ADCY8: variants seen among roughly 807,000 people sequenced by gnomAD.
The protein encoded by ADCY8 is adenylate cyclase type 8.
Under a neutral mutation model 119.7 loss-of-function variants are expected in ADCY8, and 51 were observed. The ratio of observed to expected loss-of-function variants is 0.43; its 90% CI spans 0.34 to 0.54. ADCY8 has a LOEUF of 0.54. ADCY8 is among the 20% of genes least tolerant of loss of function. The pLI, the probability that ADCY8 is intolerant of heterozygous loss-of-function variation, is 0.03. For missense variants in ADCY8, 1,383 were observed against 1,598.8 expected (o/e 0.87, Z 2.30); for synonymous variants, 665 against 651.0 (o/e 1.02, Z -0.33).
chr8:130,809,483 A>G (rs1816092461), intron 14 of ADCY8, among the ~76,000 whole-genome samples: 1 of 152,158 alleles, frequency 6.6e-6, no homozygotes, highest in African/African-American at 2.4e-5. Flanking sequence ...TAGTCCCCCC[A>G]GTCCTTCTCA....
chr8:130,851,040 G>A (rs1044612446), intron 9 of ADCY8, among the ~76,000 whole-genome samples: 1 of 152,164 alleles, frequency 6.6e-6, no homozygotes, highest in African/African-American at 2.4e-5. Context: ...AGAATTTAAA[G>A]TCCACTCTGT....
chr8:130,852,314 T>C (rs930669927), intron 9 of ADCY8, among the ~76,000 whole-genome samples: 3 of 152,040 alleles, frequency 2.0e-5, no homozygotes, highest in South Asian at 2.1e-4. Flanking sequence ...TGACAAGAAA[T>C]CTCTGTAGGA....
intron 4 of ADCY8, among the ~76,000 whole-genome samples, chr8:130,942,980 G>T (rs992059463): frequency 3.9e-5 from 6 of 152,208 alleles, no homozygotes. Context: ...AGATGGCCAG[G>T]GTTGGCTGGG....
chr8:130,962,320 G>A (rs148522369), intron 2 of ADCY8, among the ~76,000 whole-genome samples: 5 of 152,258 alleles, frequency 3.3e-5, no homozygotes, highest in Non-Finnish European at 5.9e-5. Flanking sequence ...TCTTTAATAC[G>A]ATTCCCAACT....
chr8:130,990,715 C>G, intron 1 of ADCY8, 173 bp from the exon 2 acceptor site: 1 of 755,364 alleles, frequency 1.3e-6, no homozygotes, highest in South Asian at 2.6e-5. Flanking sequence ...CAAATGTCAT[C>G]CCTTTGGAGA....
chr8:131,024,238 G>C lies in ADCY8; in HGVS notation c.960+15136C>G, dbSNP rs146223844. 7.0e-3 allele frequency among the ~76,000 whole-genome samples: 1,059 copies of C among 152,198 alleles called. 16 individuals carry two copies. Among genetic ancestry groups the C allele is most frequent in the African/African-American group, 0.024 (978 of 41,486 alleles). Reference sequence around the variant, plus strand: ...AGAACAAGACAGCTTGCTATTGCGTGACATCATCAGACACAACTGTGTTAT... The same window carrying C: ...AGAACAAGACAGCTTGCTATTGCGTCACATCATCAGACACAACTGTGTTAT... On this transcript the variant is annotated intron_variant, in intron 1 of 17. Transcript: ENST00000286355.
chr8:131,034,463 A>T (rs1824088992), intron 1 of ADCY8, among the ~76,000 whole-genome samples: 1 of 152,068 alleles, frequency 6.6e-6, no homozygotes, highest in Non-Finnish European at 1.5e-5. Context: ...AAGAAAAAAA[A>T]ATTTCCCCTA....
intron 1 of ADCY8, among the ~76,000 whole-genome samples, chr8:131,002,035 G>T (rs79797827): frequency 3.3e-5 from 5 of 152,136 alleles, no homozygotes; most frequent in Non-Finnish European, 5.9e-5. Flanking sequence ...GCTGTGCTAC[G>T]CATAGAGCTT....
intron 2 of ADCY8, among the ~76,000 whole-genome samples, chr8:130,981,578 G>A (rs998128014): frequency 1.1e-4 from 16 of 152,034 alleles, no homozygotes; most frequent in African/African-American, 3.9e-4. Flanking sequence ...CCTCCAGGCT[G>A]GATCAAAGGT....
At chr8:131,002,763 A>G (rs1467225287) in intron 1 of ADCY8, among the ~76,000 whole-genome samples, 1 of 152,170 alleles carries the variant, frequency 6.6e-6, no homozygotes, top group Non-Finnish European at 1.5e-5. Flanking sequence ...CTCTATTAAC[A>G]ACTTGAATTC....
intron 5 of ADCY8, among the ~76,000 whole-genome samples, chr8:130,920,392 C>T (rs1377960421): frequency 6.6e-6 from 1 of 152,108 alleles, no homozygotes; most frequent in Non-Finnish European, 1.5e-5. Context: ...TGGAATATGG[C>T]TCCACCGCAT....
chr8:130,865,733 C>T (rs191066608), intron 9 of ADCY8, among the ~76,000 whole-genome samples: 1 of 152,220 alleles, frequency 6.6e-6, no homozygotes, highest in African/African-American at 2.4e-5. Flanking sequence ...TGTTTCAAAA[C>T]ATCATAGCTA....
chr8:130,855,953 ATC>A (rs1291227798), intron 9 of ADCY8, among the ~76,000 whole-genome samples: 2 of 152,088 alleles, frequency 1.3e-5, no homozygotes, highest in East Asian at 1.9e-4. Context: ...TGATCACATC[ATC>A]TCTTTCATTA....
At chr8:130,831,085 C>T (rs1816820480) in intron 12 of ADCY8, among the ~76,000 whole-genome samples, 1 of 152,066 alleles carries the variant, frequency 6.6e-6, no homozygotes, top group African/African-American at 2.4e-5. Context: ...AAGTATGACA[C>T]AAATCCAAAA....
intron 1 of ADCY8, among the ~76,000 whole-genome samples, chr8:131,003,925 G>C (rs1823032753): frequency 6.6e-6 from 1 of 152,094 alleles, no homozygotes; most frequent in Non-Finnish European, 1.5e-5. Context: ...TTAACTATGT[G>C]GTTGGCTAAG....
chr8:131,006,580 T>G (rs907076323), intron 1 of ADCY8, among the ~76,000 whole-genome samples: 1 of 152,190 alleles, frequency 6.6e-6, no homozygotes, highest in African/African-American at 2.4e-5. Flanking sequence ...AGACCTTAGT[T>G]TTTTTCCATT....
At position 130,836,586 on chromosome 8, in the gene ADCY8, G is replaced by A. The variant is rs56011822; in HGVS notation, c.2503-137C>T. ...TCTCAAGGCCTCCTGAAATTCAACA[G>A]GTCCCAAATCAAACTCTTCATTTGC... On this transcript the variant is annotated intron_variant, in intron 11 of 17. Coordinates refer to ENST00000286355, the MANE Select transcript of ADCY8 (RefSeq NM_001115.3). The A allele has an allele frequency of 2.1e-3, 1,735 of 839,176 alleles. 22 individuals carry two copies. In the African/African-American group the frequency reaches 0.026, roughly 13 times the overall value. The allele number at this position is 839,176 out of a possible 1,614,324, so 52.0% of individuals were successfully genotyped here.
chr8:130,881,425 G>C (rs1298568724), intron 8 of ADCY8, among the ~76,000 whole-genome samples: 1 of 152,136 alleles, frequency 6.6e-6, no homozygotes, highest in Admixed American at 6.6e-5. Context: ...TTTTCATAAA[G>C]GTGGAAAGGC....
intron 9 of ADCY8, among the ~76,000 whole-genome samples, chr8:130,855,582 C>T (rs994229940): frequency 2.6e-5 from 4 of 151,908 alleles, no homozygotes; most frequent in East Asian, 3.9e-4. Flanking sequence ...TCCCCCACCC[C>T]GTCACACCAC....
Sources: allele counts gnomAD v4.1 joint callset (sites outside exome capture counted in the v4.1 genomes callset), GRCh38; gene constraint gnomAD v4.1.1; transcripts MANE v1.5; gene names NCBI Gene and HGNC (gene_info 2026-07-23, HGNC 2026-07-21).